The following ZNF469 variants were observed in gnomAD, a reference collection of about 807,000 sequenced individuals.
ZNF469 encodes zinc finger protein 469.
A neutral mutation model predicts 1.0 loss-of-function variants in ZNF469; 1 was observed. The ratio of observed to expected loss-of-function variants is 1.00; its 90% CI spans 0.35 to 4.73. The LOEUF (loss-of-function observed/expected upper bound fraction) is 4.73, where lower values mean the gene tolerates loss of function less well. Among genes scored for constraint, ZNF469 ranks in the 30% most tolerant of loss-of-function variants. ZNF469 has a pLI of 0.16. For synonymous variants in ZNF469, 2,703 were observed against 2,363.4 expected, an observed-to-expected ratio of 1.14 and a Z score of -4.17; for missense variants, 6,100 against 5,356.3, an observed-to-expected ratio of 1.14 and a Z score of -4.33.
At chr16:88,220,119 A>G in the ZNF469 span, among the ~76,000 whole-genome samples, 50,196 of 152,032 alleles carry the variant, frequency 0.33, 8,658 homozygotes, top group South Asian at 0.4. Context: ...CGTTCTCAGT[A>G]AGCCATGGCC....
the ZNF469 span, among the ~76,000 whole-genome samples, chr16:88,214,531 A>G: frequency 6.6e-6 from 1 of 151,966 alleles, no homozygotes; most frequent in Non-Finnish European, 1.5e-5. Flanking sequence ...TATACTTTAA[A>G]TTCTGGGGTA....
chr16:88,247,332 A>G, the ZNF469 span, among the ~76,000 whole-genome samples: 9 of 147,464 alleles, frequency 6.1e-5, no homozygotes, highest in South Asian at 8.8e-4. Flanking sequence ...TGAATGGTGA[A>G]TGAGTGAATG....
chr16:88,354,154 GAC>G, the ZNF469 span, among the ~76,000 whole-genome samples: 9 of 152,304 alleles, frequency 5.9e-5, no homozygotes, highest in South Asian at 1.9e-3. Flanking sequence ...AGCTCCCTGT[GAC>G]ACAGCCTCCT....
the ZNF469 span, among the ~76,000 whole-genome samples, chr16:88,272,468 A>C: frequency 7.8e-6 from 1 of 127,862 alleles, no homozygotes; most frequent in South Asian, 2.5e-4. Context: ...ATGAATGAAC[A>C]GGGGGGTGTA....
chr16:88,244,237 G>C, the ZNF469 span, among the ~76,000 whole-genome samples: 19,468 of 146,912 alleles, frequency 0.13, 1,532 homozygotes, highest in Middle Eastern at 0.26. Context: ...GGGTGGGTGG[G>C]GGTTTGGGAG....
the ZNF469 span, among the ~76,000 whole-genome samples, chr16:88,266,416 G>A: frequency 1.3e-5 from 2 of 152,248 alleles, no homozygotes; most frequent in Admixed American, 6.5e-5. Flanking sequence ...TCGTGCACAC[G>A]AAGGAACCAG....
At chr16:88,250,007 G>A in the ZNF469 span, among the ~76,000 whole-genome samples, 15 of 152,180 alleles carry the variant, frequency 9.9e-5, no homozygotes, top group Non-Finnish European at 1.9e-4. Context: ...TGAAAATGTC[G>A]CTTACCTCTC....
the ZNF469 span, among the ~76,000 whole-genome samples, chr16:88,170,401 A>G: frequency 6.6e-6 from 1 of 152,154 alleles, no homozygotes; most frequent in Admixed American, 6.5e-5. This position sits in a 1 kb window ranked among gnomAD's most constrained non-coding sequence, Gnocchi z 4.2. Context: ...TTCACTGTAC[A>G]ACTGAAAGTT....
At chr16:88,348,423 C>G in the ZNF469 span, among the ~76,000 whole-genome samples, 1 of 152,232 alleles carries the variant, frequency 6.6e-6, no homozygotes, top group Non-Finnish European at 1.5e-5. Context: ...AGAAAAGACT[C>G]TGGCTTCAAA....
At chr16:88,165,535 C>T in the ZNF469 span, among the ~76,000 whole-genome samples, 7 of 152,346 alleles carry the variant, frequency 4.6e-5, no homozygotes, top group East Asian at 1.4e-3. Flanking sequence ...GGATGTGAAG[C>T]AGCTGGTGAG....
At chr16:88,111,280 A>C in the ZNF469 span, among the ~76,000 whole-genome samples, 1 of 152,292 alleles carries the variant, frequency 6.6e-6, no homozygotes, top group East Asian at 1.9e-4. Context: ...TACGTCGTAG[A>C]TGTATATATT....
At chr16:88,265,489 G>A in the ZNF469 span, among the ~76,000 whole-genome samples, 4 of 152,224 alleles carry the variant, frequency 2.6e-5, no homozygotes, top group Non-Finnish European at 4.4e-5. Flanking sequence ...CAGGAGGGCT[G>A]GGTGCTCCTG....
At position 88,437,522 on chromosome 16, in the gene ZNF469, A is replaced by G. The variant is rs1417775208; in HGVS notation, c.10052A>G (p.Lys3351Arg). The G allele has an allele frequency of 2.6e-6, 4 of 1,542,308 alleles. No homozygotes were observed. Among genetic ancestry groups the G allele is most frequent in the African/African-American group, 2.8e-5 (2 of 72,580 alleles). ...GGGAAGCGCTTCCCCAAGCCCTTCA[A>G]GCTGCAGCGCCACCTGGCGGTGCAC... Reference protein sequence around the residue: ...HCGKRFPKPFKLQRHLAVHSP... With the variant: ...HCGKRFPKPFRLQRHLAVHSP... Residue 3351 changes from lysine to arginine, a missense_variant, in exon 3 of 3, where the codon AAG (lysine) becomes AGG (arginine). Transcript: ENST00000565624.
the ZNF469 span, among the ~76,000 whole-genome samples, chr16:88,204,715 G>A: frequency 2.0e-5 from 3 of 152,296 alleles, no homozygotes; most frequent in South Asian, 4.1e-4. Flanking sequence ...GGTCACAGCC[G>A]TCTCCGCTGT....
chr16:88,376,296 C>G, the ZNF469 span, among the ~76,000 whole-genome samples: 1 of 152,192 alleles, frequency 6.6e-6, no homozygotes, highest in Admixed American at 6.5e-5. Flanking sequence ...GACATAATTA[C>G]AGGAAAAAAA....
the ZNF469 span, among the ~76,000 whole-genome samples, chr16:88,287,618 T>C: frequency 1.3e-5 from 2 of 152,228 alleles, no homozygotes; most frequent in Non-Finnish European, 2.9e-5. Flanking sequence ...CTTAAAGCCT[T>C]AAAACATTGA....
the ZNF469 span, among the ~76,000 whole-genome samples, chr16:88,348,671 C>T: frequency 2.0e-5 from 3 of 152,202 alleles, no homozygotes; most frequent in Non-Finnish European, 2.9e-5. Flanking sequence ...AGACCCCTGC[C>T]GTGAGACGTG....
chr16:88,362,314 T>A, the ZNF469 span, among the ~76,000 whole-genome samples: 1 of 152,272 alleles, frequency 6.6e-6, no homozygotes, highest in African/African-American at 2.4e-5. Flanking sequence ...ATCCTCATGC[T>A]GTTCACCCAT....
the ZNF469 span, among the ~76,000 whole-genome samples, chr16:88,238,651 C>T: frequency 1.3e-5 from 2 of 152,196 alleles, no homozygotes; most frequent in Non-Finnish European, 2.9e-5. Context: ...TATCTGAGAA[C>T]ATTCAGGACC....
Sources: gnomAD v4.1 joint callset for allele counts (sites outside exome capture counted in the v4.1 genomes callset) on GRCh38, gnomAD v4.1.1 for gene constraint, Gnocchi (gnomAD v3.1) non-coding constraint, MANE v1.5 for transcripts, NCBI Gene and HGNC (gene_info 2026-07-23, HGNC 2026-07-21) for gene names.